The following GAPVD1 variants were observed in gnomAD, a reference collection of about 807,000 sequenced individuals.
GAPVD1 encodes GTPase-activating protein and VPS9 domain-containing protein 1.
In GAPVD1, 35 loss-of-function variants were observed where a neutral mutation model predicts 155.5. That is an observed-to-expected ratio of 0.23 (90% CI 0.17 to 0.30). The LOEUF is 0.30. GAPVD1 is among the 10% of genes least tolerant of loss of function. GAPVD1 has a pLI of 1.00. For synonymous variants in GAPVD1, 636 were observed against 619.7 expected, an observed-to-expected ratio of 1.03 and a Z score of -0.39; for missense variants, 1,429 against 1,775.7, an observed-to-expected ratio of 0.80 and a Z score of 3.51.
chr9:125,268,558 A>G (rs10819041), intron 1 of GAPVD1, among the ~76,000 whole-genome samples: 78,641 of 146,770 alleles, frequency 0.54, 21,246 homozygotes, highest in African/African-American at 0.65. Context: ...GGAGTGCAGT[A>G]ACGCTATCAC....
In GAPVD1 at chr9:125,346,954, A is replaced by G; in HGVS notation, c.3169+13A>G. 11 of 1,612,442 alleles carry G rather than the reference A, an allele frequency of 6.8e-6. No homozygotes were observed. Among genetic ancestry groups the G allele is most frequent in the Non-Finnish European group, 9.3e-6 (11 of 1,178,480 alleles). On this transcript the variant is annotated intron_variant, in intron 20 of 27. Transcript: ENST00000297933. ...TATGAAAGTACAGGTGATAATCATG[A>G]CAGAGATTTGAGTAGTAAACTTTTA...
intron 2 of GAPVD1, among the ~76,000 whole-genome samples, chr9:125,274,365 A>C (rs1835411347): frequency 6.6e-6 from 1 of 151,818 alleles, no homozygotes; most frequent in African/African-American, 2.4e-5. Flanking sequence ...AAAAAAAATG[A>C]AGGGTTTTCT....
chr9:125,341,077 C>A, intron 17 of GAPVD1, 100 bp from the exon 18 acceptor site: 2 of 746,896 alleles, frequency 2.7e-6, no homozygotes, highest in East Asian at 2.6e-5. Context: ...AGAATGAGAT[C>A]CTATCTCAAA....
intron 19 of GAPVD1, among the ~76,000 whole-genome samples, chr9:125,345,243 C>T (rs1294128951): frequency 7.3e-5 from 11 of 151,182 alleles, no homozygotes; most frequent in Admixed American, 7.3e-4. Flanking sequence ...TGCAGTGGCG[C>T]GATCTCAGCT....
In GAPVD1 at chr9:125,326,695, G is replaced by A; in HGVS notation, c.2032+106G>A. The A allele has an allele frequency of 5.2e-6, 4 of 766,332 alleles. No individual in the cohort carries two copies. In the South Asian group the frequency reaches 6.6e-5, roughly 13 times the overall value. The allele number at this position is 766,332 out of a possible 1,614,324, so 47.5% of individuals were successfully genotyped here. A position where few individuals can be genotyped will look rare whatever the true frequency, so the allele number is the denominator to read the frequency against. ...GCCCTGACAAACATTGTGTGTGTTA[G>A]CACCATCTGGGAAACTGTTATAACT... On this transcript the variant is annotated intron_variant, in intron 12 of 27. Transcript: ENST00000297933.
At chr9:125,274,424 A>G (rs1458457519) in intron 2 of GAPVD1, among the ~76,000 whole-genome samples, 1 of 151,908 alleles carries the variant, frequency 6.6e-6, no homozygotes, top group Admixed American at 6.6e-5. Flanking sequence ...ATTTTCCCCC[A>G]AAATTATAGT....
In GAPVD1 at chr9:125,302,558, A is replaced by G. The variant is rs770645803; in HGVS notation, c.761A>G (p.Asn254Ser). Residue 254 changes from asparagine (N) to serine (S), a missense_variant, in exon 5 of 28, where the codon AAT becomes AGT. This residue lies in a region of GAPVD1 where 628 missense variants were observed against 733.4 expected (regional missense o/e 0.86). Transcript: ENST00000297933. The stretch of plus-strand genomic sequence containing the variant: ...AAAGTTCAAGAAATGGTGGAGTCCA[A>G]TGAAGCAAAGCTAGTGGCTTTGGTG... ...RQKVQEMVES[N>S]EAKLVALVNK... 9.6e-5 allele frequency: 155 copies of G among 1,613,822 alleles called. No individual in the cohort carries two copies. The highest frequency in any genetic ancestry group is 1.2e-4 in the Non-Finnish European group (142 of 1,179,804).
chr9:125,333,792 A>G (rs897965940), intron 15 of GAPVD1, among the ~76,000 whole-genome samples: 3 of 152,146 alleles, frequency 2.0e-5, no homozygotes, highest in African/African-American at 7.2e-5. Context: ...TCTGCGAGGT[A>G]CTTTTTCTAT....
At chr9:125,346,767 G>A (rs777376068) in intron 19 of GAPVD1, 52 bp from the exon 20 acceptor site, 1 of 1,394,880 alleles carries the variant, frequency 7.2e-7, no homozygotes, top group East Asian at 2.3e-5. Flanking sequence ...ACTAACATCA[G>A]AGGTGGTACA....
chr9:125,283,639 A>G (rs1371337205), intron 2 of GAPVD1, among the ~76,000 whole-genome samples: 1 of 152,084 alleles, frequency 6.6e-6, no homozygotes, highest in Non-Finnish European at 1.5e-5. Context: ...TTGGGATTAT[A>G]GGTCTGAGAC....
At chr9:125,262,448 C>A (rs1218929755) in intron 1 of GAPVD1, among the ~76,000 whole-genome samples, 1 of 152,184 alleles carries the variant, frequency 6.6e-6, no homozygotes, top group Admixed American at 6.5e-5. Flanking sequence ...TTTCCACTTG[C>A]TGTCGGAGGT....
In GAPVD1 at chr9:125,349,442, G is replaced by T. The variant is rs765826881; in HGVS notation, c.3222G>T (p.Leu1074=). 6.2e-7 allele frequency: 1 copy of T among 1,613,874 alleles called. No homozygotes were observed. The highest frequency in any genetic ancestry group is 1.1e-5 in the South Asian group (1 of 91,068). The change falls in exon 21 of 28, where the codon CTG becomes CTT. Residue 1074 remains leucine, a synonymous_variant. Coordinates refer to ENST00000297933, the MANE Select transcript of GAPVD1 (RefSeq NM_001282680.3). ...ATGATTCTCCCCGTGACGAAGCACT[G>T]CAGAACATCTCGGCTGATGATCTCC... ...SAHDSPRDEA[L]QNISADDLPD...
chr9:125,354,225 A>G (rs1198878993), intron 23 of GAPVD1, among the ~76,000 whole-genome samples: 3 of 152,198 alleles, frequency 2.0e-5, no homozygotes, highest in Admixed American at 2.0e-4. Flanking sequence ...ACTATAAGCA[A>G]GTAATTGGTG....
At position 125,302,838 on chromosome 9, in the gene GAPVD1, CTAT is replaced by C. The variant is rs759279783; in HGVS notation, c.1029+21_1029+23del. On this transcript the variant is annotated intron_variant, in intron 5 of 27. Transcript: ENST00000297933. ...TTAATCTGATGCAGGTATGCTTTTGCTATTATTATTAACGTGGCATTTAGTTTA... is the reference window on the plus strand; with the variant it reads ...TTAATCTGATGCAGGTATGCTTTTGCTATTATTAACGTGGCATTTAGTTTA... The C allele has an allele frequency of 8.9e-6, 14 of 1,569,120 alleles. No homozygotes were observed. The highest frequency in any genetic ancestry group is 1.2e-5 in the Non-Finnish European group (14 of 1,158,510).
At chr9:125,269,022 T>A (rs1003691088) in intron 2 of GAPVD1, 38 bp downstream of exon 2, 1 of 152,102 alleles carries the variant, frequency 6.6e-6, no homozygotes, top group Non-Finnish European at 1.5e-5. Context: ...TAAAATAATT[T>A]TTTTAAGTTT....
At chr9:125,321,380 C>G in intron 9 of GAPVD1, 53 bp from the exon 10 acceptor site, 1 of 1,358,526 alleles carries the variant, frequency 7.4e-7, no homozygotes, top group Non-Finnish European at 1.0e-6. Context: ...TGGTTTGTTT[C>G]CTTATCAGTA....
intron 2 of GAPVD1, among the ~76,000 whole-genome samples, chr9:125,270,297 C>T (rs868198672): frequency 1.3e-5 from 2 of 151,662 alleles, no homozygotes; most frequent in South Asian, 4.2e-4. Flanking sequence ...GGTGTGGTGG[C>T]GCACACCTGT....
At position 125,307,844 on chromosome 9, in the gene GAPVD1, A is replaced by G; in HGVS notation, c.1405A>G (p.Thr469Ala). The change falls in exon 8 of 28, where the codon ACC (threonine) becomes GCC (alanine). Residue 469 changes from threonine to alanine, a missense_variant. By Grantham distance (58) the Thr-to-Ala change is moderately conservative. Around this residue, in one of 4 missense-constraint regions of GAPVD1, gnomAD observed 628 missense variants for 733.4 expected, o/e 0.86. Transcript: ENST00000297933. ...PYNTPQLSPA[T>A]TPANKKNRLP... is the part of the protein sequence containing the mutation. ...CAATACACCTCAGCTATCTCCAGCA[A>G]CCACTCCAGCAAATAAAAAGAATCG... 6.2e-7 allele frequency: 1 copy of G among 1,613,150 alleles called. No homozygotes were observed. The highest frequency in any genetic ancestry group is 8.5e-7 in the Non-Finnish European group (1 of 1,179,058).
At chr9:125,300,042 T>A (rs1369774355) in intron 4 of GAPVD1, among the ~76,000 whole-genome samples, 3,147 of 4,882 alleles carry the variant, frequency 0.64, 1,268 homozygotes, top group Middle Eastern at 0.83. Flanking sequence ...AAAAAAAATA[T>A]ATATATATAT....
Sources: gnomAD v4.1 joint callset for allele counts (sites outside exome capture counted in the v4.1 genomes callset) on GRCh38, gnomAD v4.1.1 for gene constraint, gnomAD v4.1.1 regional missense constraint, MANE v1.5 for transcripts, NCBI Gene and HGNC (gene_info 2026-07-23, HGNC 2026-07-21) for gene names.